EML5: variants seen among roughly 807,000 people sequenced by gnomAD.
EML5 encodes the protein echinoderm microtubule-associated protein-like 5.
In EML5, 120 loss-of-function variants were observed where a neutral mutation model predicts 250.0. That is an observed-to-expected ratio of 0.48 (90% CI 0.41 to 0.56). The LOEUF (loss-of-function observed/expected upper bound fraction) is 0.56. EML5 is among the 20% of genes least tolerant of loss of function. The pLI, the probability that EML5 is intolerant of heterozygous loss-of-function variation, is 0.00. For missense variants in EML5, 2,006 were observed against 2,437.6 expected, an observed-to-expected ratio of 0.82 and a Z score of 3.73; for synonymous variants, 771 against 806.5, an observed-to-expected ratio of 0.96 and a Z score of 0.75.
chr14:88,696,792 C>A, intron 15 of EML5, 55 bp downstream of exon 15: 1 of 1,252,816 alleles, frequency 8.0e-7, no homozygotes, highest in Non-Finnish European at 1.1e-6. Flanking sequence ...GATTAAAATG[C>A]TATGTGTTGC....
intron 21 of EML5, among the ~76,000 whole-genome samples, chr14:88,678,681 G>A (rs1373307086): frequency 6.6e-6 from 1 of 152,074 alleles, no homozygotes; most frequent in South Asian, 2.1e-4. Context: ...AGCATCCAGA[G>A]TAAACACGGG....
rs908344043 is a variant in EML5, at chr14:88,616,418, TG to T, written c.5797-177del. ...AGTGGATCTGCAAAACCAGGCTGTG[TG>T]GGCAGTCAGATGTCTCCAGGTACTC... is the stretch of plus-strand genomic sequence containing the variant. On this transcript the variant is annotated intron_variant, in intron 42 of 43. Transcript: ENST00000554922. 6.0e-6 allele frequency: 4 copies of T among 663,286 alleles called. No homozygotes were observed. The Admixed American group carries it at 1.1e-4, about 19-fold the overall frequency. 41.1% of individuals were successfully genotyped at this position (663,286 alleles called of 1,614,324 possible).
Position 88,657,485 on chromosome 14 carries a change from T to C in EML5, c.3895A>G (p.Thr1299Ala). 1 of 1,606,736 alleles carries C rather than the reference T, an allele frequency of 6.2e-7. No individual in the cohort carries two copies. Among genetic ancestry groups the C allele is most frequent in the Non-Finnish European group, 8.5e-7 (1 of 1,176,586 alleles). Residue 1299 changes from threonine (T) to alanine (A), a missense_variant, in exon 27 of 44, where the codon ACA becomes GCA. Thr to Ala is a moderately conservative substitution (Grantham distance 58, BLOSUM62 0). Coordinates refer to ENST00000554922, the MANE Select transcript of EML5 (RefSeq NM_183387.3). ...EEDGGYDSDV[T>A]RENEISYTIR... is the part of the protein sequence containing the mutation. ...GTGTAACTGATTTCATTCTCCCTTG[T>C]AACATCACTGTCATAGCCTACAATA...
intron 1 of EML5, 72 bp from the exon 2 acceptor site, chr14:88,754,743 T>G (rs982745722): frequency 7.8e-6 from 10 of 1,274,864 alleles, no homozygotes; most frequent in Non-Finnish European, 1.1e-5. Flanking sequence ...ATTTGGTAGA[T>G]GTAAAACACA....
chr14:88,650,965 T>C (rs2140804696), intron 27 of EML5, among the ~76,000 whole-genome samples: 1 of 152,284 alleles, frequency 6.6e-6, no homozygotes, highest in African/African-American at 2.4e-5. Context: ...AAGTGCTTTA[T>C]TTCATATTTA....
At position 88,627,738 on chromosome 14, in the gene EML5, ACTCCCT is replaced by A; in HGVS notation, c.4433_4438del (p.Lys1478_Val1480delinsIle). ...AGTAGCACTGAAGCTGACTGAACATACTCCCTTTGAATGGTAGCATCTTAGGATAGA... is the reference window on the plus strand; with the variant it reads ...AGTAGCACTGAAGCTGACTGAACATATTGAATGGTAGCATCTTAGGATAGA... On this transcript the variant is annotated inframe_deletion, in exon 34 of 44. Transcript: ENST00000554922. 1 of 1,612,976 alleles carries A rather than the reference ACTCCCT, an allele frequency of 6.2e-7. No individual in the cohort carries two copies. Among genetic ancestry groups the A allele is most frequent in the Non-Finnish European group, 8.5e-7 (1 of 1,179,494 alleles).
At chr14:88,717,800 G>A (rs890769466) in intron 8 of EML5, among the ~76,000 whole-genome samples, 1 of 151,744 alleles carries the variant, frequency 6.6e-6, no homozygotes, top group African/African-American at 2.4e-5. Flanking sequence ...ACAAATTAAA[G>A]GAGCATAGTA....
chr14:88,780,363 C>T (rs2140757286), intron 1 of EML5, among the ~76,000 whole-genome samples: 1 of 139,034 alleles, frequency 7.2e-6, no homozygotes, highest in South Asian at 2.3e-4. Flanking sequence ...TAATATCTCC[C>T]TCTGCACAAA....
At position 88,688,198 on chromosome 14, in the gene EML5, T is replaced by A. The variant is rs184767745; in HGVS notation, c.2742+73A>T. The A allele has an allele frequency of 4.8e-6, 7 of 1,465,976 alleles. No homozygotes were observed. The Admixed American group carries it at 1.2e-4, about 25-fold the overall frequency. 90.8% of individuals were successfully genotyped at this position (1,465,976 alleles called of 1,614,324 possible). ...GTCCAGGCAAGTAGAAAGGCAGTGT[T>A]CCTTTACTTCTTAAAATGCTCTACA... On this transcript the variant is annotated intron_variant, in intron 18 of 43. Transcript: ENST00000554922.
At chr14:88,617,169 G>A (rs1441429552) in intron 41 of EML5, 3 of 193,464 alleles carry the variant, frequency 1.6e-5, no homozygotes, top group Non-Finnish European at 3.2e-5. Flanking sequence ...TTTTTGAGAC[G>A]GAGTTTTCGC....
At chr14:88,761,069 T>C (rs1297551547) in intron 1 of EML5, among the ~76,000 whole-genome samples, 1 of 152,142 alleles carries the variant, frequency 6.6e-6, no homozygotes, top group Non-Finnish European at 1.5e-5. Context: ...AAAAAATAAA[T>C]TATTTGGAAT....
chr14:88,661,011 A>G (rs1433518519), intron 25 of EML5, among the ~76,000 whole-genome samples: 3 of 152,148 alleles, frequency 2.0e-5, no homozygotes, highest in Non-Finnish European at 4.4e-5. Flanking sequence ...GTAACTATAA[A>G]GAGTTTATAT....
intron 25 of EML5, among the ~76,000 whole-genome samples, chr14:88,659,540 G>C (rs75937581): frequency 0.02 from 3,037 of 152,272 alleles, 98 homozygotes; most frequent in African/African-American, 0.066. Flanking sequence ...AATTAAGTCA[G>C]GGTGAGGGAT....
chr14:88,708,706 A>G (rs1475951418), intron 10 of EML5, among the ~76,000 whole-genome samples: 1 of 152,162 alleles, frequency 6.6e-6, no homozygotes, highest in East Asian at 1.9e-4. Flanking sequence ...CTTGAGCATC[A>G]TTTAATAGCA....
At chr14:88,742,124 T>C (rs1318490869) in intron 4 of EML5, among the ~76,000 whole-genome samples, 1 of 152,206 alleles carries the variant, frequency 6.6e-6, no homozygotes, top group East Asian at 1.9e-4. Flanking sequence ...TGAGATGAAC[T>C]GAGACAGAAT....
At chr14:88,688,127 C>T (rs1456622796) in intron 18 of EML5, 144 bp downstream of exon 18, 2 of 777,786 alleles carry the variant, frequency 2.6e-6, no homozygotes, top group Admixed American at 4.7e-5. Context: ...AAAAGAGAAA[C>T]AAAGAAAGGT....
In EML5 at chr14:88,792,140, G is replaced by C. The variant is rs2094615553; in HGVS notation, c.197+167C>G. 1.3e-5 allele frequency among the ~76,000 whole-genome samples: 2 copies of C among 152,160 alleles called. No individual in the cohort carries two copies. Among genetic ancestry groups the C allele is most frequent in the Admixed American group, 1.3e-4 (2 of 15,288 alleles). On this transcript the variant is annotated intron_variant, in intron 1 of 43. Transcript: ENST00000554922. This position sits in a 1 kb window ranked among gnomAD's most constrained non-coding sequence, Gnocchi z 6.9. Reference sequence around the variant, plus strand: ...TCCCTAGACGAGGAAGAGGGGAAAGGCATTTGTAGGGTGTTAACTGGTGGA... The same window carrying C: ...TCCCTAGACGAGGAAGAGGGGAAAGCCATTTGTAGGGTGTTAACTGGTGGA...
In EML5 at chr14:88,714,931, A is replaced by G; in HGVS notation, c.1444+8T>C. 1.2e-6 allele frequency: 2 copies of G among 1,608,624 alleles called. No individual in the cohort carries two copies. Among genetic ancestry groups the G allele is most frequent in the Non-Finnish European group, 1.7e-6 (2 of 1,177,334 alleles). Reference sequence around the variant, plus strand: ...ACTACAAATCTATAATTTGCTAGAAATTGTTACCTGGCATTCTATAAAAAA... The same window carrying G: ...ACTACAAATCTATAATTTGCTAGAAGTTGTTACCTGGCATTCTATAAAAAA... On this transcript the variant is annotated splice_region_variant and intron_variant, in intron 9 of 43. Coordinates refer to ENST00000554922, the MANE Select transcript of EML5 (RefSeq NM_183387.3).
intron 29 of EML5, 22 bp from the exon 30 acceptor site, chr14:88,644,533 G>A (rs767623639): frequency 6.2e-7 from 1 of 1,611,954 alleles, no homozygotes; most frequent in Non-Finnish European, 8.5e-7. Flanking sequence ...AAGTGGGGAG[G>A]AGGAAAGGCA....
Sources: allele counts gnomAD v4.1 joint callset (sites outside exome capture counted in the v4.1 genomes callset), GRCh38; gene constraint gnomAD v4.1.1; non-coding constraint Gnocchi (gnomAD v3.1); transcripts MANE v1.5; gene names NCBI Gene and HGNC (gene_info 2026-07-23, HGNC 2026-07-21).